CWC22: variants seen among roughly 807,000 people sequenced by gnomAD.
CWC22 encodes CWC22 spliceosome associated protein.
CWC22 carries 53 observed loss-of-function variants against 117.2 expected under a neutral mutation model. That is an observed-to-expected ratio of 0.45 (90% CI 0.36 to 0.57). The LOEUF (loss-of-function observed/expected upper bound fraction) is 0.57, where lower values mean the gene tolerates loss of function less well. Ranked by LOEUF, CWC22 falls within the 20% of genes least tolerant of loss-of-function variation. The probability of loss-of-function intolerance (pLI) is 0.00; values close to 1 mark genes in which losing one functional copy is unlikely to be tolerated. For missense variants in CWC22, 980 were observed against 1,068.8 expected (o/e 0.92, Z 1.16); for synonymous variants, 360 against 355.6 (o/e 1.01, Z -0.14).
At chr2:179,992,542 C>T (rs548054042) in intron 2 of CWC22, among the ~76,000 whole-genome samples, 1 of 152,248 alleles carries the variant, frequency 6.6e-6, no homozygotes, top group African/African-American at 2.4e-5. Context: ...ATCCCCCTAC[C>T]CTTTTCTACT....
Position 179,956,074 on chromosome 2 carries a change from G to T in CWC22, c.1459-1040C>A, listed in dbSNP as rs546787624. On this transcript the variant is annotated intron_variant, in intron 14 of 19. Transcript: ENST00000410053. ...TAATTTTTACCTTTATATTTTCAAT[G>T]AACAATTTTGACATTTTGTCATATT... is the stretch of plus-strand genomic sequence containing the variant. 3.4e-3 allele frequency among the ~76,000 whole-genome samples: 522 copies of T among 151,866 alleles called. 1 individual carries two copies. The highest frequency in any genetic ancestry group is 0.01 in the Middle Eastern group (3 of 294).
chr2:179,972,766 G>T (rs1687062887), intron 8 of CWC22, among the ~76,000 whole-genome samples: 1 of 152,106 alleles, frequency 6.6e-6, no homozygotes, highest in South Asian at 2.1e-4. Flanking sequence ...TCAACACTTT[G>T]GGAGGCCGAG....
At chr2:179,953,905 G>T (rs759688254) in intron 16 of CWC22, among the ~76,000 whole-genome samples, 1 of 152,084 alleles carries the variant, frequency 6.6e-6, no homozygotes, top group Non-Finnish European at 1.5e-5. Context: ...GTGCATGCAC[G>T]TGTGTGTACA....
Position 179,950,691 on chromosome 2 carries a change from A to G in CWC22, c.1961T>C (p.Ile654Thr), listed in dbSNP as rs759768641. ...REHLKNTPKV[I>T]VAQKPDVEQN... is the part of the protein sequence containing the mutation. ...CTCAACATCTGGTTTCTGCGCCACA[A>G]TGACCTTTGGTGTATTTTTGAGATG... is the stretch of plus-strand genomic sequence containing the variant. The change falls in exon 19 of 20, where the codon ATT becomes ACT. Residue 654 changes from isoleucine to threonine, a missense_variant. Ile to Thr is a moderately conservative substitution (Grantham distance 89). Coordinates refer to ENST00000410053, the MANE Select transcript of CWC22 (RefSeq NM_020943.3). The G allele has an allele frequency of 1.9e-5, 31 of 1,613,496 alleles. No individual in the cohort carries two copies. Among genetic ancestry groups the G allele is most frequent in the Middle Eastern group, 1.6e-4 (1 of 6,080 alleles).
chr2:179,984,520 T>G (rs1687365000), intron 4 of CWC22, among the ~76,000 whole-genome samples: 2 of 151,950 alleles, frequency 1.3e-5, no homozygotes, highest in African/African-American at 4.8e-5. Context: ...AACTCCAAAC[T>G]GCAGAGGAAT....
intron 1 of CWC22, among the ~76,000 whole-genome samples, chr2:180,004,181 T>G (rs748196783): frequency 6.6e-6 from 1 of 152,200 alleles, no homozygotes; most frequent in Non-Finnish European, 1.5e-5. Flanking sequence ...GAACAAACCA[T>G]GACCAAGTTA....
intron 4 of CWC22, among the ~76,000 whole-genome samples, chr2:179,983,220 T>C (rs1687329467): frequency 1.3e-5 from 2 of 152,076 alleles, no homozygotes; most frequent in Non-Finnish European, 1.5e-5. Flanking sequence ...AACCTAGTAT[T>C]CATTAGCTGT....
intron 13 of CWC22, among the ~76,000 whole-genome samples, chr2:179,959,492 A>C (rs530087112): frequency 1.3e-5 from 2 of 152,270 alleles, no homozygotes; most frequent in South Asian, 4.1e-4. Context: ...AAATATAATA[A>C]AACCACCTGC....
chr2:179,961,860 G>A (rs1465922357), intron 13 of CWC22, among the ~76,000 whole-genome samples: 13 of 151,998 alleles, frequency 8.6e-5, no homozygotes, highest in Admixed American at 6.6e-4. Context: ...ATCTTAGGTT[G>A]CTAAACCAAA....
chr2:179,953,066 C>T (rs1686493917), intron 16 of CWC22, among the ~76,000 whole-genome samples: 1 of 151,838 alleles, frequency 6.6e-6, no homozygotes, highest in South Asian at 2.1e-4. Flanking sequence ...AACTGAAATG[C>T]CTAAAGAAAT....
intron 16 of CWC22, among the ~76,000 whole-genome samples, chr2:179,953,937 G>A (rs972735391): frequency 1.3e-5 from 2 of 152,080 alleles, no homozygotes; most frequent in African/African-American, 4.8e-5. Context: ...AAAATCTGCA[G>A]TACTTTTCCT....
chr2:180,003,417 A>G (rs759639073), intron 1 of CWC22, among the ~76,000 whole-genome samples: 3 of 152,286 alleles, frequency 2.0e-5, no homozygotes, highest in South Asian at 2.1e-4. Context: ...TCCTGTCCCA[A>G]ATCTGTTCCT....
At position 179,959,937 on chromosome 2, in the gene CWC22, C is replaced by T. The variant is rs990008847; in HGVS notation, c.1398-855G>A. Among the ~76,000 whole-genome samples the T allele has an allele frequency of 5.3e-5, 8 of 152,090 alleles. No individual in the cohort carries two copies. In the East Asian group the frequency reaches 1.5e-3, roughly 29 times the overall value. On this transcript the variant is annotated intron_variant, in intron 13 of 19. Transcript: ENST00000410053. ...CAAAAATAAAAATAAGAGGTATATGCATTGAATTGTATTACTTTCTCAAAC... is the reference window on the plus strand; with the variant it reads ...CAAAAATAAAAATAAGAGGTATATGTATTGAATTGTATTACTTTCTCAAAC...
intron 1 of CWC22, among the ~76,000 whole-genome samples, chr2:179,998,679 A>G (rs376754559): frequency 7.9e-5 from 12 of 152,276 alleles, no homozygotes; most frequent in African/African-American, 2.9e-4. Context: ...GATAGCAAAG[A>G]CTGTGATTTA....
intron 6 of CWC22, among the ~76,000 whole-genome samples, chr2:179,974,486 A>C (rs1173151591): frequency 6.6e-6 from 1 of 152,250 alleles, no homozygotes; most frequent in Non-Finnish European, 1.5e-5. Context: ...CAATGTAATG[A>C]CAAGTAATTA....
At chr2:179,961,576 T>C (rs1421017711) in intron 13 of CWC22, among the ~76,000 whole-genome samples, 2 of 152,042 alleles carry the variant, frequency 1.3e-5, no homozygotes, top group Non-Finnish European at 2.9e-5. Flanking sequence ...CAGATGTGAC[T>C]TTTTCTTTTC....
Position 179,986,697 on chromosome 2 carries a change from T to C in CWC22, c.204A>G (p.Ser68=). 1.3e-6 allele frequency: 2 copies of C among 1,550,354 alleles called. No individual in the cohort carries two copies. The highest frequency in any genetic ancestry group is 2.3e-5 in the South Asian group (2 of 87,696). ...AGTTAGAAATTCCCAACACTAACCGTGACTCCATGCTACTATCATAAGAAC... is the reference window on the plus strand; with the variant it reads ...AGTTAGAAATTCCCAACACTAACCGCGACTCCATGCTACTATCATAAGAAC... ...RGRSYDSSME[S]RNRDREKRRE... is the part of the protein sequence containing the mutation. Residue 68 remains serine (S), a splice_region_variant and synonymous_variant, in exon 4 of 20, where the codon TCA becomes TCG. Transcript: ENST00000410053.
chr2:179,996,125 G>A (rs947168609), intron 1 of CWC22, among the ~76,000 whole-genome samples: 1 of 152,124 alleles, frequency 6.6e-6, no homozygotes, highest in Admixed American at 6.6e-5. Context: ...ACTCCTTAGA[G>A]GAATGTAAGG....
At chr2:179,986,552 A>G (rs960162299) in intron 4 of CWC22, 143 bp downstream of exon 4, 11 of 523,272 alleles carry the variant, frequency 2.1e-5, no homozygotes, top group Non-Finnish European at 3.0e-5. Context: ...GTTAATTCAT[A>G]TAAAGCCCTT....
Sources: gnomAD v4.1 joint callset for allele counts (sites outside exome capture counted in the v4.1 genomes callset) on GRCh38, gnomAD v4.1.1 for gene constraint, MANE v1.5 for transcripts, NCBI Gene and HGNC (gene_info 2026-07-23, HGNC 2026-07-21) for gene names.